DCAF8L2: variants seen among roughly 807,000 people sequenced by gnomAD.
DCAF8L2 encodes DDB1 and CUL4 associated factor 8 like 2.
For synonymous variants in DCAF8L2, 200 were observed against 190.9 expected (o/e 1.05, Z -0.39); for missense variants, 430 against 490.7 (o/e 0.88, Z 1.17).
the DCAF8L2 span, among the ~76,000 whole-genome samples, chrX:27,541,014 T>A: frequency 8.9e-6 from 1 of 112,022 alleles, no homozygotes; most frequent in Non-Finnish European, 1.9e-5. Context: ...AAATATTTCA[T>A]CCCAAAATAT....
chrX:27,498,123 G>A, the DCAF8L2 span, among the ~76,000 whole-genome samples: 1 of 112,126 alleles, frequency 8.9e-6, no homozygotes, highest in Non-Finnish European at 1.9e-5. Flanking sequence ...ATTGTAAATA[G>A]TACTGCTATA....
At chrX:27,662,151 T>A (rs986700566) in intron 2 of DCAF8L2, among the ~76,000 whole-genome samples, 1 of 111,306 alleles carries the variant, frequency 9.0e-6, no homozygotes, top group Non-Finnish European at 1.9e-5. Flanking sequence ...GTGTAGCAAG[T>A]GAAGAAAGAA....
chrX:27,647,858 T>G (rs1471455652), intron 2 of DCAF8L2, among the ~76,000 whole-genome samples: 2 of 111,970 alleles, frequency 1.8e-5, no homozygotes, highest in Non-Finnish European at 3.8e-5. Context: ...TTTCTAAAGT[T>G]AACAATGAGA....
At chrX:27,563,365 G>C in the DCAF8L2 span, among the ~76,000 whole-genome samples, 3 of 111,986 alleles carry the variant, frequency 2.7e-5, no homozygotes, top group African/African-American at 9.7e-5. Flanking sequence ...GTCTGTGACA[G>C]TCACTTAATT....
At chrX:27,530,612 A>G in the DCAF8L2 span, among the ~76,000 whole-genome samples, 3 of 111,286 alleles carry the variant, frequency 2.7e-5, no homozygotes, top group African/African-American at 9.8e-5. Flanking sequence ...TGGTGCCTCA[A>G]GGAAAGAGTA....
At chrX:27,619,587 T>C (rs183325757) in intron 1 of DCAF8L2, among the ~76,000 whole-genome samples, 241 of 111,787 alleles carry the variant, frequency 2.2e-3, no homozygotes, top group African/African-American at 7.5e-3. Flanking sequence ...TAAAGGGAAA[T>C]TCAAAGAAGC....
chrX:27,739,411 T>C (rs1378248130), intron 4 of DCAF8L2, among the ~76,000 whole-genome samples: 1 of 111,900 alleles, frequency 8.9e-6, no homozygotes, highest in Non-Finnish European at 1.9e-5. Context: ...CTACACTTTC[T>C]TCATATTCTC....
intron 2 of DCAF8L2, chrX:27,632,603 T>G (rs1217417386): frequency 2.7e-5 from 3 of 111,535 alleles, no homozygotes; most frequent in African/African-American, 9.8e-5. Context: ...CTGTTTCCTC[T>G]GCCTAGAACA....
At chrX:27,743,731 T>G (rs1922006044) in intron 4 of DCAF8L2, among the ~76,000 whole-genome samples, 1 of 98,238 alleles carries the variant, frequency 1.0e-5, no homozygotes, top group African/African-American at 3.9e-5. Context: ...ATTTATTTAT[T>G]TATTTATTTA....
chrX:27,635,436 T>A (rs939558384), intron 2 of DCAF8L2, among the ~76,000 whole-genome samples: 1 of 111,766 alleles, frequency 8.9e-6, no homozygotes, highest in African/African-American at 3.3e-5. Context: ...TAATCATGCA[T>A]CAGTCCCAGG....
At chrX:27,544,422 C>A in the DCAF8L2 span, among the ~76,000 whole-genome samples, 4 of 111,662 alleles carry the variant, frequency 3.6e-5, no homozygotes, top group Non-Finnish European at 1.9e-5. Context: ...TTGCCCTTCA[C>A]CATACAAGAG....
At chrX:27,710,000 G>A (rs1258500233) in intron 3 of DCAF8L2, among the ~76,000 whole-genome samples, 3 of 110,852 alleles carry the variant, frequency 2.7e-5, no homozygotes, top group Non-Finnish European at 5.7e-5. Context: ...TCTATGAAAT[G>A]TATTTTGAGT....
chrX:27,687,183 C>A (rs781135622), intron 3 of DCAF8L2, among the ~76,000 whole-genome samples: 67 of 111,999 alleles, frequency 6.0e-4, no homozygotes, highest in African/African-American at 2.1e-3. Flanking sequence ...GTAGCCTATA[C>A]ATATGTATCA....
chrX:27,709,758 C>T (rs1194163687), intron 3 of DCAF8L2, among the ~76,000 whole-genome samples: 1 of 111,232 alleles, frequency 9.0e-6, no homozygotes, highest in African/African-American at 3.3e-5. Flanking sequence ...TTCACCAGTC[C>T]TTGTCTGTGG....
the DCAF8L2 span, among the ~76,000 whole-genome samples, chrX:27,545,218 T>C: frequency 9.0e-6 from 1 of 111,422 alleles, no homozygotes; most frequent in Non-Finnish European, 1.9e-5. Context: ...ATCATATCCC[T>C]GCATCAACAA....
intron 4 of DCAF8L2, among the ~76,000 whole-genome samples, chrX:27,735,761 C>T (rs1921485732): frequency 9.0e-6 from 1 of 111,578 alleles, no homozygotes; most frequent in African/African-American, 3.3e-5. Context: ...AAGCACATTA[C>T]AGTGAATCAG....
chrX:27,619,248 T>C (rs996156369), intron 1 of DCAF8L2, among the ~76,000 whole-genome samples: 21 of 111,715 alleles, frequency 1.9e-4, no homozygotes, highest in African/African-American at 5.8e-4. Flanking sequence ...TTTAATACAA[T>C]AGCTACTGTA....
the DCAF8L2 span, among the ~76,000 whole-genome samples, chrX:27,539,504 A>G: frequency 1.8e-5 from 2 of 111,760 alleles, no homozygotes; most frequent in African/African-American, 6.5e-5. Flanking sequence ...TTCCTAACCT[A>G]TCTTATTTAA....
At chrX:27,518,011 A>C in the DCAF8L2 span, 1 of 1,067,706 alleles carries the variant, frequency 9.4e-7, no homozygotes, top group Non-Finnish European at 1.3e-6. Context: ...ACTAAATAAA[A>C]AGGTGACACA....
Sources: gnomAD v4.1 joint callset for allele counts (sites outside exome capture counted in the v4.1 genomes callset) on GRCh38, gnomAD v4.1.1 for gene constraint, MANE v1.5 for transcripts, NCBI Gene and HGNC (gene_info 2026-07-23, HGNC 2026-07-21) for gene names.